ASCC3: variants seen among roughly 807,000 people sequenced by gnomAD.
ASCC3 encodes ASC-1 complex subunit P200.
Under a neutral mutation model 256.3 loss-of-function variants are expected in ASCC3, and 158 were observed. The ratio of observed to expected loss-of-function variants is 0.62; its 90% CI spans 0.54 to 0.70. The LOEUF (loss-of-function observed/expected upper bound fraction) is 0.70. ASCC3 is among the 30% of genes least tolerant of loss of function. ASCC3 has a pLI of 0.00. For synonymous variants in ASCC3, 948 were observed against 883.4 expected, an observed-to-expected ratio of 1.07 and a Z score of -1.30; for missense variants, 2,259 against 2,626.0, an observed-to-expected ratio of 0.86 and a Z score of 3.05.
At chr6:100,622,817 A>G (rs998443141) in intron 30 of ASCC3, among the ~76,000 whole-genome samples, 1 of 152,062 alleles carries the variant, frequency 6.6e-6, no homozygotes, top group Non-Finnish European at 1.5e-5. Flanking sequence ...GCCGATAAAA[A>G]AAATATGAAA....
At chr6:100,596,870 A>C (rs1374371680) in intron 34 of ASCC3, among the ~76,000 whole-genome samples, 2 of 152,148 alleles carry the variant, frequency 1.3e-5, no homozygotes, top group Non-Finnish European at 2.9e-5. Context: ...CATAGTTTCT[A>C]AGACCACCCA....
intron 13 of ASCC3, among the ~76,000 whole-genome samples, chr6:100,681,961 T>C (rs545160214): frequency 1.3e-5 from 2 of 152,214 alleles, no homozygotes; most frequent in Non-Finnish European, 2.9e-5. Context: ...TAATGACTGA[T>C]AAACACTATT....
chr6:100,813,677 C>G (rs705584), intron 4 of ASCC3, among the ~76,000 whole-genome samples: 4 of 151,582 alleles, frequency 2.6e-5, no homozygotes, highest in African/African-American at 9.7e-5. Context: ...CCAACATATA[C>G]TAATTGAAAC....
intron 14 of ASCC3, 71 bp from the exon 15 acceptor site, chr6:100,662,607 T>C (rs1776281402): frequency 7.0e-7 from 1 of 1,431,662 alleles, no homozygotes; most frequent in Admixed American, 1.7e-5. Context: ...TTCTGTTGTA[T>C]GAGTTCATCA....
intron 10 of ASCC3, among the ~76,000 whole-genome samples, chr6:100,751,653 T>C (rs1056723918): frequency 6.6e-6 from 1 of 152,154 alleles, no homozygotes; most frequent in Non-Finnish European, 1.5e-5. Flanking sequence ...TGTTTGATTA[T>C]AGGGAGCTGC....
chr6:100,847,306 A>T lies in ASCC3; in HGVS notation c.801+842T>A, dbSNP rs377271554. Among the ~76,000 whole-genome samples, 8 of 152,298 alleles carry T rather than the reference A, an allele frequency of 5.3e-5. No individual in the cohort carries two copies. The East Asian group carries it at 1.5e-3, about 29-fold the overall frequency. On this transcript the variant is annotated intron_variant, in intron 4 of 41. Transcript: ENST00000369162. ...TTTTTAAAACAATATTATGTTCAGA[A>T]TGTTAGAGAAAATTTAATAGTGAGA...
At chr6:100,757,213 G>A (rs1021326475) in intron 10 of ASCC3, among the ~76,000 whole-genome samples, 3 of 147,254 alleles carry the variant, frequency 2.0e-5, no homozygotes, top group Non-Finnish European at 4.5e-5. Flanking sequence ...TTAAAACAGT[G>A]TAGTCCTCAA....
chr6:100,628,546 G>T (rs930136935), intron 27 of ASCC3, among the ~76,000 whole-genome samples: 2 of 152,052 alleles, frequency 1.3e-5, no homozygotes. Context: ...ATTCTCATGA[G>T]ACCTAGTTGT....
chr6:100,777,093 G>A (rs899690097), intron 8 of ASCC3, among the ~76,000 whole-genome samples: 2 of 151,932 alleles, frequency 1.3e-5, no homozygotes, highest in African/African-American at 4.8e-5. Context: ...CGTAAGTCAC[G>A]AGATTAAAAA....
At chr6:100,581,267 T>G (rs1411433556) in intron 36 of ASCC3, among the ~76,000 whole-genome samples, 1 of 152,088 alleles carries the variant, frequency 6.6e-6, no homozygotes, top group Non-Finnish European at 1.5e-5. Context: ...TTTTAATGAT[T>G]GCCATTCTAA....
chr6:100,695,823 T>C (rs1778054697), intron 13 of ASCC3, among the ~76,000 whole-genome samples: 1 of 152,180 alleles, frequency 6.6e-6, no homozygotes, highest in African/African-American at 2.4e-5. Flanking sequence ...GTGCAACCCA[T>C]GCACATGCAG....
chr6:100,766,725 G>C lies in ASCC3; in HGVS notation c.1597-20C>G. 1.2e-6 allele frequency: 2 copies of C among 1,613,820 alleles called. No homozygotes were observed. Among genetic ancestry groups the C allele is most frequent in the South Asian group, 1.1e-5 (1 of 91,080 alleles). ...TACAATCTATACCAAAGGAACACTAGCTTGATTAATGAGCAAAAACTACCA... is the reference window on the plus strand; with the variant it reads ...TACAATCTATACCAAAGGAACACTACCTTGATTAATGAGCAAAAACTACCA... On this transcript the variant is annotated intron_variant, in intron 9 of 41. Coordinates refer to ENST00000369162, the MANE Select transcript of ASCC3 (RefSeq NM_006828.4).
At chr6:100,734,993 G>T (rs1319097814) in intron 10 of ASCC3, among the ~76,000 whole-genome samples, 2 of 151,642 alleles carry the variant, frequency 1.3e-5, no homozygotes, top group Non-Finnish European at 2.9e-5. Flanking sequence ...CATAGAGCAG[G>T]GTATAAAAAG....
chr6:100,674,083 C>T (rs928209613), intron 14 of ASCC3, among the ~76,000 whole-genome samples: 6 of 151,948 alleles, frequency 3.9e-5, no homozygotes, highest in African/African-American at 1.4e-4. Context: ...TGAAAAATTC[C>T]CAGGTTTAGA....
intron 10 of ASCC3, among the ~76,000 whole-genome samples, chr6:100,753,753 A>C (rs1026651852): frequency 6.6e-6 from 1 of 152,136 alleles, no homozygotes; most frequent in South Asian, 2.1e-4. Flanking sequence ...TGAAACAAGC[A>C]ATCTTATCTG....
chr6:100,516,383 T>G, intron 38 of ASCC3, 56 bp from the exon 39 acceptor site: 1 of 1,600,638 alleles, frequency 6.2e-7, no homozygotes, highest in Non-Finnish European at 8.6e-7. Context: ...AAGAAGATTT[T>G]CTGACAATGG....
At position 100,848,189 on chromosome 6, in the gene ASCC3, T is replaced by C. The variant is rs1235685306; in HGVS notation, c.760A>G (p.Met254Val). The change falls in exon 4 of 42, where the codon ATG (methionine) becomes GTG (valine). Residue 254 changes from methionine (M) to valine (V), a missense_variant. Physicochemically the swap from Met to Val is conservative, Grantham distance 21. Coordinates refer to ENST00000369162, the MANE Select transcript of ASCC3 (RefSeq NM_006828.4). ...TCACCACTTTTAATAGAAGCAAGCATATCATATAAAGTACAGCAAAGATCT... is the reference window on the plus strand; with the variant it reads ...TCACCACTTTTAATAGAAGCAAGCACATCATATAAAGTACAGCAAAGATCT... ...VEDLCCTLYD[M>V]LASIKSGDEL... 1 of 1,605,580 alleles carries C rather than the reference T, an allele frequency of 6.2e-7. No individual in the cohort carries two copies. Among genetic ancestry groups the C allele is most frequent in the Non-Finnish European group, 8.5e-7 (1 of 1,177,060 alleles).
At chr6:100,628,517 T>G (rs963074561) in intron 27 of ASCC3, among the ~76,000 whole-genome samples, 22 of 152,178 alleles carry the variant, frequency 1.4e-4, no homozygotes, top group African/African-American at 5.3e-4. Context: ...CTTGGTGCTA[T>G]TCTCATGACA....
At position 100,589,522 on chromosome 6, in the gene ASCC3, G is replaced by T. The variant is rs1771879109; in HGVS notation, c.5550+112C>A. The T allele has an allele frequency of 1.4e-5, 18 of 1,290,294 alleles. No homozygotes were observed. The South Asian group carries it at 2.2e-4, about 16-fold the overall frequency. 79.9% of individuals were successfully genotyped at this position (1,290,294 alleles called of 1,614,324 possible). A position where few individuals can be genotyped will look rare whatever the true frequency, so the allele number is the denominator to read the frequency against. On this transcript the variant is annotated intron_variant, in intron 36 of 41. Coordinates refer to ENST00000369162, the MANE Select transcript of ASCC3 (RefSeq NM_006828.4). ...GTGTTGCTTTGTAGTGACCTTGTTT[G>T]ACAGAGGAAAGGGCTTTACAAATGG...
Sources: allele counts gnomAD v4.1 joint callset (sites outside exome capture counted in the v4.1 genomes callset), GRCh38; gene constraint gnomAD v4.1.1; transcripts MANE v1.5; gene names NCBI Gene and HGNC (gene_info 2026-07-23, HGNC 2026-07-21).